Variants in TOX observed in about 807,000 individuals in gnomAD.
TOX encodes the protein thymocyte selection associated high mobility group box, also known as thymocyte selection-associated high mobility group box protein TOX.
A neutral mutation model predicts 53.7 loss-of-function variants in TOX; 11 were observed. That is an observed-to-expected ratio of 0.20 (90% CI 0.13 to 0.34). TOX has a LOEUF of 0.34. Ranked by LOEUF, TOX falls within the 10% of genes least tolerant of loss-of-function variation. The pLI is 1.00. For missense variants in TOX, 570 were observed against 664.6 expected, an observed-to-expected ratio of 0.86 and a Z score of 1.56; for synonymous variants, 225 against 245.3, an observed-to-expected ratio of 0.92 and a Z score of 0.77.
chr8:58,996,062 T>C (rs1813556345), intron 1 of TOX, among the ~76,000 whole-genome samples: 1 of 152,222 alleles, frequency 6.6e-6, no homozygotes, highest in African/African-American at 2.4e-5. Flanking sequence ...AACATTGTAA[T>C]TTTTATAGCA....
chr8:59,116,261 ACTG>A lies in TOX; in HGVS notation c.102+2622_102+2624del, dbSNP rs1481417300. On this transcript the variant is annotated intron_variant, in intron 1 of 8. Transcript: ENST00000361421. Reference sequence around the variant, plus strand: ...TAAAAACAAATCACCTGACAAACTGACTGCTATTTGTAGTAAGCTACATATTCA... The same window carrying A: ...TAAAAACAAATCACCTGACAAACTGACTATTTGTAGTAAGCTACATATTCA... 2.0e-5 allele frequency among the ~76,000 whole-genome samples: 3 copies of A among 152,348 alleles called. No homozygotes were observed. In the South Asian group the frequency reaches 6.2e-4, roughly 32 times the overall value.
rs1347966566 is a variant in TOX at position 58,915,866 on chromosome 8, T to C, written c.411+23436A>G. ...ACAGAGAAGTGCTTAAAGGAGCTGA[T>C]GGAGCTGAAAACCAAGGCTCGAGAA... On this transcript the variant is annotated intron_variant, in intron 3 of 8. Transcript: ENST00000361421. 4.8e-5 allele frequency among the ~76,000 whole-genome samples: 6 copies of C among 124,952 alleles called. No individual in the cohort carries two copies. The East Asian group carries it at 1.0e-3, about 21-fold the overall frequency. The allele number at this position is 124,952 out of a possible 152,430, so 82.0% of individuals were successfully genotyped here.
chr8:58,961,982 G>C (rs564924048), intron 1 of TOX, among the ~76,000 whole-genome samples: 104 of 152,310 alleles, frequency 6.8e-4, no homozygotes, highest in African/African-American at 2.4e-3. Flanking sequence ...CCAAGGAACC[G>C]TTTAAAATAT....
chr8:58,889,232 A>AAAAAG (rs1491391141), intron 3 of TOX, among the ~76,000 whole-genome samples: 1 of 123,064 alleles, frequency 8.1e-6, no homozygotes, highest in Non-Finnish European at 1.8e-5. Flanking sequence ...AAAAAAAAAA[A>AAAAAG]CAAAAAACCC....
chr8:59,077,122 C>T (rs925673767), intron 1 of TOX, among the ~76,000 whole-genome samples: 4 of 152,188 alleles, frequency 2.6e-5, no homozygotes, highest in Non-Finnish European at 4.4e-5. Context: ...GACCCACACC[C>T]CATAAGGCAG....
At chr8:59,108,648 T>C (rs1399723934) in intron 1 of TOX, among the ~76,000 whole-genome samples, 1 of 132,240 alleles carries the variant, frequency 7.6e-6, no homozygotes, top group Non-Finnish European at 1.6e-5. Context: ...TCCTAAATCA[T>C]AAAGGAAACA....
chr8:59,050,340 T>C (rs1803765021), intron 1 of TOX, among the ~76,000 whole-genome samples: 1 of 152,120 alleles, frequency 6.6e-6, no homozygotes, highest in South Asian at 2.1e-4. Context: ...GTTGTTAGAA[T>C]AGCATTTGTG....
chr8:59,078,446 C>T (rs568992404), intron 1 of TOX, among the ~76,000 whole-genome samples: 26 of 152,230 alleles, frequency 1.7e-4, no homozygotes, highest in Middle Eastern at 3.4e-3. Flanking sequence ...TTTAAAAGGG[C>T]GTGGCACTTG....
chr8:59,048,257 T>C lies in TOX; in HGVS notation c.102+70629A>G, dbSNP rs545737184. Among the ~76,000 whole-genome samples, 21 of 152,336 alleles carry C rather than the reference T, an allele frequency of 1.4e-4. No individual in the cohort carries two copies. The South Asian group carries it at 2.3e-3, about 17-fold the overall frequency. On this transcript the variant is annotated intron_variant, in intron 1 of 8. Transcript: ENST00000361421. ...TAAAGGTAACTGACAAATTCTGTTC[T>C]TGACCATTATCTGTAGCAATAACCA...
chr8:58,856,516 A>C (rs562301078), intron 3 of TOX, among the ~76,000 whole-genome samples: 1 of 152,340 alleles, frequency 6.6e-6, no homozygotes, highest in African/African-American at 2.4e-5. Flanking sequence ...TCTTAGTCAC[A>C]AGATGAAAAG....
rs754229162 is a variant in TOX, at chr8:59,118,860, G to A, written c.102+26C>T. ...TCCCAGGATCAAGCAGCAAGAACACGGTGGAAACAAAAGCAGAGCGTTCAC... is the reference window on the plus strand; with the variant it reads ...TCCCAGGATCAAGCAGCAAGAACACAGTGGAAACAAAAGCAGAGCGTTCAC... On this transcript the variant is annotated intron_variant, in intron 1 of 8. Coordinates refer to ENST00000361421, the MANE Select transcript of TOX (RefSeq NM_014729.3). This position sits in a 1 kb window ranked among gnomAD's most constrained non-coding sequence, Gnocchi z 4.1. 6.5e-7 allele frequency: 1 copy of A among 1,540,296 alleles called. No individual in the cohort carries two copies. Among genetic ancestry groups the A allele is most frequent in the Non-Finnish European group, 8.8e-7 (1 of 1,132,144 alleles).
At chr8:58,863,415 A>G (rs1366349211) in intron 3 of TOX, among the ~76,000 whole-genome samples, 1 of 152,178 alleles carries the variant, frequency 6.6e-6, no homozygotes, top group African/African-American at 2.4e-5. Flanking sequence ...GAATTACCCT[A>G]TTTAGGACTC....
intron 1 of TOX, among the ~76,000 whole-genome samples, chr8:59,008,597 TC>T (rs1813837204): frequency 6.6e-6 from 1 of 151,230 alleles, no homozygotes; most frequent in African/African-American, 2.4e-5. Flanking sequence ...CCCCCATGAC[TC>T]CCCCCATGAG....
chr8:58,929,294 A>C (rs1224324297), intron 3 of TOX, among the ~76,000 whole-genome samples: 1 of 152,188 alleles, frequency 6.6e-6, no homozygotes, highest in Non-Finnish European at 1.5e-5. Flanking sequence ...AAGGAAAGTC[A>C]AATCTAGTAT....
intron 1 of TOX, among the ~76,000 whole-genome samples, chr8:59,006,412 C>T (rs1004367494): frequency 6.6e-6 from 1 of 152,214 alleles, no homozygotes; most frequent in Admixed American, 6.5e-5. Flanking sequence ...AGCTGCTGTG[C>T]TATTGTGATG....
chr8:58,922,391 A>G lies in TOX; in HGVS notation c.411+16911T>C, dbSNP rs139597269. On this transcript the variant is annotated intron_variant, in intron 3 of 8. Transcript: ENST00000361421. ...TTGAAATGTGCATGCGTGTGTATACACACATATGCATACCTAACTCCTCCA... is the reference window on the plus strand; with the variant it reads ...TTGAAATGTGCATGCGTGTGTATACGCACATATGCATACCTAACTCCTCCA... Among the ~76,000 whole-genome samples the G allele has an allele frequency of 6.3e-3, 961 of 152,354 alleles. 13 individuals are homozygous for G. The highest frequency in any genetic ancestry group is 0.022 in the African/African-American group (921 of 41,568).
At chr8:58,866,768 G>A (rs1378375793) in intron 3 of TOX, among the ~76,000 whole-genome samples, 3 of 152,180 alleles carry the variant, frequency 2.0e-5, no homozygotes, top group Non-Finnish European at 4.4e-5. Context: ...TTAAGTATGT[G>A]TGCTACGGTG....
At chr8:58,858,052 G>A (rs184122379) in intron 3 of TOX, among the ~76,000 whole-genome samples, 1 of 152,138 alleles carries the variant, frequency 6.6e-6, no homozygotes, top group Non-Finnish European at 1.5e-5. Context: ...TTACAGGCGT[G>A]AGCCACTGTG....
intron 1 of TOX, among the ~76,000 whole-genome samples, chr8:59,054,452 G>A (rs372642472): frequency 1.3e-5 from 2 of 152,216 alleles, no homozygotes; most frequent in East Asian, 1.9e-4. Context: ...TTGTGAGTTC[G>A]CTGGAAATGG....
Sources: gnomAD v4.1 joint callset for allele counts (sites outside exome capture counted in the v4.1 genomes callset) on GRCh38, gnomAD v4.1.1 for gene constraint, Gnocchi (gnomAD v3.1) non-coding constraint, MANE v1.5 for transcripts, NCBI Gene and HGNC (gene_info 2026-07-23, HGNC 2026-07-21) for gene names.